GABRB1: variants seen among roughly 807,000 people sequenced by gnomAD.
GABRB1 encodes gamma-aminobutyric acid receptor subunit beta-1.
In GABRB1, 17 loss-of-function variants were observed where a neutral mutation model predicts 51.6. The ratio of observed to expected loss-of-function variants is 0.33; its 90% CI spans 0.23 to 0.49. The LOEUF is 0.49. Ranked by LOEUF, GABRB1 falls within the 20% of genes least tolerant of loss-of-function variation. The probability of loss-of-function intolerance (pLI) is 0.99; values close to 1 mark genes in which losing one functional copy is unlikely to be tolerated. For synonymous variants in GABRB1, 247 were observed against 218.9 expected (o/e 1.13, Z -1.14); for missense variants, 410 against 600.6 (o/e 0.68, Z 3.32).
intron 3 of GABRB1, among the ~76,000 whole-genome samples, chr4:47,088,900 C>T (rs946729810): frequency 3.3e-5 from 5 of 152,126 alleles, no homozygotes; most frequent in African/African-American, 1.2e-4. Flanking sequence ...AAGAAGAGGC[C>T]ATATGATTAT....
chr4:47,026,119 C>A (rs1439520970), intron 1 of GABRB1, among the ~76,000 whole-genome samples: 1 of 151,936 alleles, frequency 6.6e-6, no homozygotes. Flanking sequence ...AGTTTGAGAT[C>A]AGCTTAGGCA....
At chr4:47,121,724 A>G (rs989755722) in intron 3 of GABRB1, among the ~76,000 whole-genome samples, 3 of 152,202 alleles carry the variant, frequency 2.0e-5, no homozygotes, top group African/African-American at 7.2e-5. Flanking sequence ...TATGCAAACT[A>G]ATTTTTGTTA....
At chr4:47,297,999 A>C (rs1329908651) in intron 4 of GABRB1, among the ~76,000 whole-genome samples, 1 of 152,260 alleles carries the variant, frequency 6.6e-6, no homozygotes, top group African/African-American at 2.4e-5. Flanking sequence ...CTACATGATT[A>C]TCTCAATAGA....
At chr4:47,061,876 G>A (rs1577871640) in intron 3 of GABRB1, among the ~76,000 whole-genome samples, 1 of 152,198 alleles carries the variant, frequency 6.6e-6, no homozygotes, top group East Asian at 1.9e-4. Flanking sequence ...TTTTTTATAT[G>A]AGACTTGTTT....
At chr4:47,103,982 C>T (rs1714837651) in intron 3 of GABRB1, among the ~76,000 whole-genome samples, 1 of 151,606 alleles carries the variant, frequency 6.6e-6, no homozygotes, top group Non-Finnish European at 1.5e-5. Context: ...TTTATTTATG[C>T]CCTTTCTAGC....
At chr4:47,081,024 A>T (rs958897723) in intron 3 of GABRB1, among the ~76,000 whole-genome samples, 3 of 152,220 alleles carry the variant, frequency 2.0e-5, no homozygotes, top group Non-Finnish European at 4.4e-5. Flanking sequence ...GGGATAAAAA[A>T]GAAGAGGGTT....
chr4:47,290,647 G>A (rs2109921211), intron 4 of GABRB1, among the ~76,000 whole-genome samples: 1 of 152,288 alleles, frequency 6.6e-6, no homozygotes, highest in Admixed American at 6.5e-5. Flanking sequence ...ACAATAAGGT[G>A]CAGACTGAGG....
chr4:47,343,307 T>G (rs1725971534), intron 5 of GABRB1, among the ~76,000 whole-genome samples: 1 of 152,040 alleles, frequency 6.6e-6, no homozygotes, highest in Non-Finnish European at 1.5e-5. Context: ...CCACTTTGGT[T>G]GGGGGAGGTA....
intron 4 of GABRB1, among the ~76,000 whole-genome samples, chr4:47,271,063 G>A (rs1722857550): frequency 6.6e-6 from 1 of 151,894 alleles, no homozygotes; most frequent in East Asian, 1.9e-4. Flanking sequence ...ATAAAATAAA[G>A]TTATCTCTGA....
chr4:47,019,262 T>G (rs1413478778), intron 1 of GABRB1, among the ~76,000 whole-genome samples: 3 of 152,152 alleles, frequency 2.0e-5, no homozygotes, highest in Non-Finnish European at 4.4e-5. Context: ...GCACACTTCA[T>G]TCTTCTGGTT....
At chr4:47,022,194 T>A (rs1211744560) in intron 1 of GABRB1, among the ~76,000 whole-genome samples, 1 of 152,126 alleles carries the variant, frequency 6.6e-6, no homozygotes. Flanking sequence ...TGTTAATTAC[T>A]TCTTTCCTGT....
chr4:47,052,085 G>A (rs184319190), intron 3 of GABRB1, among the ~76,000 whole-genome samples: 3 of 152,094 alleles, frequency 2.0e-5, no homozygotes, highest in African/African-American at 7.2e-5. Flanking sequence ...AGCCGAGATT[G>A]TGCCACTGCA....
At chr4:47,203,357 C>T (rs1022155349) in intron 4 of GABRB1, among the ~76,000 whole-genome samples, 2 of 150,952 alleles carry the variant, frequency 1.3e-5, no homozygotes, top group Non-Finnish European at 2.9e-5. Flanking sequence ...ATTCATCGGT[C>T]AAATGCCATT....
intron 5 of GABRB1, among the ~76,000 whole-genome samples, chr4:47,354,698 A>T (rs547416248): frequency 6.6e-6 from 1 of 152,258 alleles, no homozygotes; most frequent in South Asian, 2.1e-4. Flanking sequence ...GGCTGCAGAG[A>T]AGATAAACTC....
chr4:47,240,533 AAG>A (rs1222210423), intron 4 of GABRB1, among the ~76,000 whole-genome samples: 2 of 152,220 alleles, frequency 1.3e-5, no homozygotes, highest in African/African-American at 4.8e-5. Flanking sequence ...GCTAGACAGA[AAG>A]GAAAAGGTGA....
intron 5 of GABRB1, among the ~76,000 whole-genome samples, chr4:47,393,857 T>C (rs1728091257): frequency 6.6e-6 from 1 of 152,214 alleles, no homozygotes; most frequent in East Asian, 1.9e-4. Flanking sequence ...TGCATATCCT[T>C]CATGCCTAGG....
At chr4:47,098,151 AACACAC>A (rs59294163) in intron 3 of GABRB1, among the ~76,000 whole-genome samples, 9,716 of 148,262 alleles carry the variant, frequency 0.066, 338 homozygotes, top group African/African-American at 0.079. Flanking sequence ...TTTTAGTACA[AACACAC>A]ACACACACAC....
intron 5 of GABRB1, among the ~76,000 whole-genome samples, chr4:47,388,658 A>T (rs1008446049): frequency 6.6e-6 from 1 of 152,224 alleles, no homozygotes; most frequent in African/African-American, 2.4e-5. Flanking sequence ...AAGAAGACAG[A>T]TAACCCAAAA....
At position 47,099,928 on chromosome 4, in the gene GABRB1, C is replaced by T. The variant is rs191964865; in HGVS notation, c.241-61321C>T. On this transcript the variant is annotated intron_variant, in intron 3 of 8. Coordinates refer to ENST00000295454, the MANE Select transcript of GABRB1 (RefSeq NM_000812.4). ...CAGAAAAAGCATTTAGTTGTAATTT[C>T]GCCTACATGATTTGGTTTAAGAATA... is the stretch of plus-strand genomic sequence containing the variant. 4.7e-3 allele frequency among the ~76,000 whole-genome samples: 707 copies of T among 151,798 alleles called. 16 individuals are homozygous for T. The highest frequency in any genetic ancestry group is 2.1e-3 in the East Asian group (11 of 5,170).
Sources: gnomAD v4.1 joint callset for allele counts (sites outside exome capture counted in the v4.1 genomes callset) on GRCh38, gnomAD v4.1.1 for gene constraint, MANE v1.5 for transcripts, NCBI Gene and HGNC (gene_info 2026-07-23, HGNC 2026-07-21) for gene names.